KCNB2: variants seen among roughly 807,000 people sequenced by gnomAD.
KCNB2 encodes delayed rectifier potassium channel protein.
In KCNB2, 15 loss-of-function variants were observed where a neutral mutation model predicts 61.5. That is an observed-to-expected ratio of 0.24 (90% CI 0.16 to 0.38). The LOEUF (loss-of-function observed/expected upper bound fraction) is 0.38, where lower values mean the gene tolerates loss of function less well. Ranked by LOEUF, KCNB2 falls within the 10% of genes least tolerant of loss-of-function variation. The pLI is 1.00. For missense variants in KCNB2, 828 were observed against 1,125.2 expected (o/e 0.74, Z 3.78); for synonymous variants, 457 against 446.0 (o/e 1.02, Z -0.31).
chr8:72,749,115 T>G (rs977049914), intron 2 of KCNB2, among the ~76,000 whole-genome samples: 8 of 152,050 alleles, frequency 5.3e-5, no homozygotes, highest in Admixed American at 5.3e-4. Flanking sequence ...CATTTTCGTT[T>G]TCATTTTATT....
chr8:72,886,621 C>T (rs979687176), intron 2 of KCNB2, among the ~76,000 whole-genome samples: 1 of 152,202 alleles, frequency 6.6e-6, no homozygotes, highest in Non-Finnish European at 1.5e-5. Context: ...GAGAACAGAG[C>T]TACTTGCACC....
At chr8:72,597,512 A>G (rs896702397) in intron 2 of KCNB2, among the ~76,000 whole-genome samples, 2 of 152,234 alleles carry the variant, frequency 1.3e-5, no homozygotes, top group Non-Finnish European at 2.9e-5. Flanking sequence ...AAGTAAAAAT[A>G]TGGCTACTCA....
At chr8:72,828,240 C>A (rs1034183820) in intron 2 of KCNB2, among the ~76,000 whole-genome samples, 1 of 152,112 alleles carries the variant, frequency 6.6e-6, no homozygotes, top group African/African-American at 2.4e-5. Flanking sequence ...ATGGGCTGAG[C>A]GCCTATGAGA....
chr8:72,808,930 C>T (rs1353417297), intron 2 of KCNB2, among the ~76,000 whole-genome samples: 1 of 152,120 alleles, frequency 6.6e-6, no homozygotes, highest in Non-Finnish European at 1.5e-5. Flanking sequence ...TAATTGTTCA[C>T]ACAATTCTAA....
At chr8:72,864,266 G>GC (rs1005836295) in intron 2 of KCNB2, among the ~76,000 whole-genome samples, 2 of 152,174 alleles carry the variant, frequency 1.3e-5, no homozygotes, top group African/African-American at 2.4e-5. Flanking sequence ...AGAGTCCAGT[G>GC]CCCCCAGTGT....
chr8:72,563,614 A>C (rs1393064527), intron 1 of KCNB2, among the ~76,000 whole-genome samples: 1 of 152,082 alleles, frequency 6.6e-6, no homozygotes, highest in Non-Finnish European at 1.5e-5. Context: ...GAAGAAAGGT[A>C]GCATGTGGCG....
At chr8:72,574,647 G>A (rs2128979662) in intron 2 of KCNB2, among the ~76,000 whole-genome samples, 1 of 152,054 alleles carries the variant, frequency 6.6e-6, no homozygotes, top group East Asian at 1.9e-4. Flanking sequence ...AAAAACATCA[G>A]ATTCTTTTCA....
chr8:72,556,394 G>A (rs888782455), intron 1 of KCNB2, among the ~76,000 whole-genome samples: 16 of 152,048 alleles, frequency 1.1e-4, no homozygotes, highest in African/African-American at 3.9e-4. Context: ...GGGGGCAGGG[G>A]AGAGGGAAAG....
chr8:72,750,865 T>C (rs947210883), intron 2 of KCNB2: 5 of 152,150 alleles, frequency 3.3e-5, no homozygotes, highest in Admixed American at 6.6e-5. Flanking sequence ...AAAAATCAAA[T>C]GATATCAGTC....
chr8:72,865,211 C>T (rs1805495757), intron 2 of KCNB2, among the ~76,000 whole-genome samples: 1 of 152,098 alleles, frequency 6.6e-6, no homozygotes, highest in African/African-American at 2.4e-5. Context: ...GCCTGAGGGT[C>T]CCTTGCCACT....
chr8:72,748,071 T>C lies in KCNB2; in HGVS notation c.579+179758T>C, dbSNP rs193222137. 9.5e-4 allele frequency among the ~76,000 whole-genome samples: 144 copies of C among 152,260 alleles called. No individual in the cohort carries two copies. In the Middle Eastern group the frequency reaches 0.014, roughly 14 times the overall value. ...ATGAAAACAGGGTGGTACCCACAGA[T>C]AGTAAGATAATAAAAAAGGCAAAGA... is the stretch of plus-strand genomic sequence containing the variant. On this transcript the variant is annotated intron_variant, in intron 2 of 2. Transcript: ENST00000523207.
At chr8:72,668,818 G>T (rs760644968) in intron 2 of KCNB2, among the ~76,000 whole-genome samples, 2 of 152,028 alleles carry the variant, frequency 1.3e-5, no homozygotes, top group Non-Finnish European at 2.9e-5. Context: ...TGAGGACAGG[G>T]TTCATGTTAT....
At position 72,568,321 on chromosome 8, in the gene KCNB2, A is replaced by G. The variant is rs1806659379; in HGVS notation, c.579+8A>G. 6.2e-7 allele frequency: 1 copy of G among 1,601,090 alleles called. No homozygotes were observed. The highest frequency in any genetic ancestry group is 8.5e-7 in the Non-Finnish European group (1 of 1,174,208). ...TCATCAGTGGCTGCAAAGGTATGAA[A>G]CCCATAGTATTGCTTGCCTGTGTGT... is the stretch of plus-strand genomic sequence containing the variant. On this transcript the variant is annotated splice_region_variant and intron_variant, in intron 2 of 2. Transcript: ENST00000523207.
At chr8:72,882,054 T>C (rs770523944) in intron 2 of KCNB2, among the ~76,000 whole-genome samples, 2 of 152,230 alleles carry the variant, frequency 1.3e-5, no homozygotes, top group African/African-American at 4.8e-5. Flanking sequence ...ATTTTTTTCT[T>C]CTGATTCTGC....
intron 2 of KCNB2, among the ~76,000 whole-genome samples, chr8:72,734,538 A>G (rs978439102): frequency 3.3e-5 from 5 of 152,204 alleles, no homozygotes; most frequent in Non-Finnish European, 7.3e-5. Flanking sequence ...GGTATTTTTA[A>G]GAAGCTGGAT....
At chr8:72,692,864 A>AT (rs1390576129) in intron 2 of KCNB2, among the ~76,000 whole-genome samples, 8 of 150,840 alleles carry the variant, frequency 5.3e-5, no homozygotes, top group Non-Finnish European at 1.0e-4. Context: ...AATATGCAAG[A>AT]TTTTTTCCAA....
At chr8:72,853,351 C>A (rs374422490) in intron 2 of KCNB2, among the ~76,000 whole-genome samples, 1 of 152,204 alleles carries the variant, frequency 6.6e-6, no homozygotes. Context: ...CTATGTGGTT[C>A]AGCATGCTCC....
intron 2 of KCNB2, among the ~76,000 whole-genome samples, chr8:72,591,220 C>T (rs74624819): frequency 1.1e-4 from 16 of 152,140 alleles, no homozygotes; most frequent in African/African-American, 3.6e-4. Context: ...CTTAGGCATT[C>T]GGAGGTTTAA....
chr8:72,652,358 C>T (rs949111228), intron 2 of KCNB2, among the ~76,000 whole-genome samples: 1 of 152,044 alleles, frequency 6.6e-6, no homozygotes, highest in African/African-American at 2.4e-5. Flanking sequence ...AGTGAGGCCA[C>T]CATCGTCCGA....
Sources: gnomAD v4.1 joint callset for allele counts (sites outside exome capture counted in the v4.1 genomes callset) on GRCh38, gnomAD v4.1.1 for gene constraint, MANE v1.5 for transcripts, NCBI Gene and HGNC (gene_info 2026-07-23, HGNC 2026-07-21) for gene names.